Variants in DOCK10 observed in about 807,000 individuals in gnomAD.
The protein encoded by DOCK10 is dedicator of cytokinesis 10.
In DOCK10, 145 loss-of-function variants were observed where a neutral mutation model predicts 280.1. The observed-to-expected ratio is 0.52, with a 90% CI of 0.45 to 0.59. The LOEUF (loss-of-function observed/expected upper bound fraction) is 0.59. Ranked by LOEUF, DOCK10 falls within the 20% of genes least tolerant of loss-of-function variation. DOCK10 has a pLI of 0.00. For synonymous variants in DOCK10, 915 were observed against 942.2 expected (o/e 0.97, Z 0.53); for missense variants, 2,368 against 2,651.7 (o/e 0.89, Z 2.35).
intron 1 of DOCK10, among the ~76,000 whole-genome samples, chr2:224,943,970 A>C (rs1703248608): frequency 6.6e-6 from 1 of 152,018 alleles, no homozygotes; most frequent in African/African-American, 2.4e-5. Context: ...TCACCGTGTT[A>C]GTCAGGATGG....
At position 224,889,095 on chromosome 2, in the gene DOCK10, T is replaced by G. The variant is rs575849938; in HGVS notation, c.417-2564A>C. Among the ~76,000 whole-genome samples the G allele has an allele frequency of 1.8e-3, 274 of 152,340 alleles. 1 individual carries two copies. Among genetic ancestry groups the G allele is most frequent in the African/African-American group, 5.7e-3 (239 of 41,586 alleles). ...AAAACGGTATTTGTTTTAAGATTAT[T>G]TATATTGTGTAAAAGCAACCTCTGA... On this transcript the variant is annotated intron_variant, in intron 4 of 55. Coordinates refer to ENST00000258390, the MANE Select transcript of DOCK10 (RefSeq NM_014689.3).
chr2:224,792,370 G>A (rs774798343), intron 47 of DOCK10, among the ~76,000 whole-genome samples: 5 of 151,982 alleles, frequency 3.3e-5, no homozygotes, highest in Non-Finnish European at 5.9e-5. Context: ...TGCAACCTCC[G>A]CCTCCTGGGT....
intron 4 of DOCK10, among the ~76,000 whole-genome samples, chr2:224,889,205 A>G (rs1324238812): frequency 6.6e-6 from 1 of 152,238 alleles, no homozygotes; most frequent in Non-Finnish European, 1.5e-5. Flanking sequence ...TACTCCAGAT[A>G]GGAAGGTGAA....
In DOCK10 at chr2:224,862,720, G is replaced by T; in HGVS notation, c.1629C>A (p.Asn543Lys). Residue 543 changes from asparagine to lysine, a missense_variant, in exon 14 of 56, where the codon AAC becomes AAA. Asn to Lys is a moderately conservative substitution (Grantham distance 94). Around this residue, in one of 2 missense-constraint regions of DOCK10, gnomAD observed 1,209 missense variants for 1,250.9 expected, o/e 0.97. Transcript: ENST00000258390. ...TTCCCAATTTGCTGCAGAATTGTCT[G>T]TTGGATTTTAGTATCTTTTGTGCAT... ...NKYAQKILKS[N>K]RQFCSKLGKY... 6.2e-7 allele frequency: 1 copy of T among 1,609,014 alleles called. No individual in the cohort carries two copies. The highest frequency in any genetic ancestry group is 8.5e-7 in the Non-Finnish European group (1 of 1,177,392).
chr2:224,848,820 C>A (rs1207955911), intron 19 of DOCK10, among the ~76,000 whole-genome samples: 1 of 152,088 alleles, frequency 6.6e-6, no homozygotes, highest in African/African-American at 2.4e-5. Context: ...CTGTTCTCTT[C>A]CTTATGACAT....
chr2:224,808,304 C>T lies in DOCK10; in HGVS notation c.3410-218G>A, dbSNP rs1330098108. ...AAACACAAATACAGGTACAAACTAA[C>T]ACACAACATCAACTTTTGAATTCCA... is the stretch of plus-strand genomic sequence containing the variant. On this transcript the variant is annotated intron_variant, in intron 31 of 55. Transcript: ENST00000258390. Among the ~76,000 whole-genome samples the T allele has an allele frequency of 2.0e-5, 3 of 152,158 alleles. No individual in the cohort carries two copies. In the East Asian group the frequency reaches 5.8e-4, roughly 29 times the overall value.
At chr2:224,767,171 A>G (rs993390969) in intron 55 of DOCK10, among the ~76,000 whole-genome samples, 2 of 109,664 alleles carry the variant, frequency 1.8e-5, no homozygotes, top group Non-Finnish European at 3.6e-5. Context: ...GCAATCATGT[A>G]GTTTTTTTTT....
chr2:224,990,900 A>G (rs1706111335), intron 1 of DOCK10, among the ~76,000 whole-genome samples: 1 of 152,236 alleles, frequency 6.6e-6, no homozygotes. Context: ...AGAACCAGAA[A>G]AGGATGTCAC....
intron 55 of DOCK10, among the ~76,000 whole-genome samples, chr2:224,769,373 G>T (rs1690268366): frequency 6.6e-6 from 1 of 152,216 alleles, no homozygotes; most frequent in Admixed American, 6.5e-5. Context: ...ACAGTGCCAG[G>T]CCATTTAAGG....
chr2:224,996,853 A>T (rs554645498), intron 1 of DOCK10, among the ~76,000 whole-genome samples: 3 of 152,312 alleles, frequency 2.0e-5, no homozygotes, highest in African/African-American at 4.8e-5. Context: ...TGAGACAAAT[A>T]TCTAGCATGT....
intron 50 of DOCK10, among the ~76,000 whole-genome samples, chr2:224,782,244 A>G (rs1691401141): frequency 6.6e-6 from 1 of 151,672 alleles, no homozygotes; most frequent in Non-Finnish European, 1.5e-5. Context: ...CCTCCCCCAA[A>G]CTCCTTTTTT....
intron 2 of DOCK10, among the ~76,000 whole-genome samples, chr2:224,917,123 T>TTTTTTTTTTTTA: frequency 2.2e-5 from 3 of 138,550 alleles, no homozygotes; most frequent in East Asian, 2.1e-4. Context: ...TTTTTTTTTT[T>TTTTTTTTTTTTA]GAGACGGAGT....
chr2:224,772,145 T>A (rs1223481418), intron 53 of DOCK10, among the ~76,000 whole-genome samples: 2 of 152,176 alleles, frequency 1.3e-5, no homozygotes, highest in African/African-American at 4.8e-5. Context: ...GGTCTCGAAC[T>A]CTTGACTTCA....
intron 51 of DOCK10, 23 bp downstream of exon 51, chr2:224,778,115 C>CA (rs769790287): frequency 5.6e-6 from 9 of 1,608,010 alleles, no homozygotes; most frequent in Non-Finnish European, 7.7e-6. Context: ...TTAGCACTTG[C>CA]ATGAATACTG....
At chr2:224,999,934 G>A (rs1205948902) in intron 1 of DOCK10, among the ~76,000 whole-genome samples, 9 of 152,128 alleles carry the variant, frequency 5.9e-5, no homozygotes, top group African/African-American at 2.2e-4. Context: ...TATGTGTGGT[G>A]CAACAGGATC....
intron 28 of DOCK10, 56 bp downstream of exon 28, chr2:224,823,445 T>A (rs907035074): frequency 1.4e-6 from 2 of 1,455,506 alleles, no homozygotes; most frequent in African/African-American, 2.9e-5. Context: ...GTTTAGACTA[T>A]CTTGCATCCA....
chr2:224,898,831 T>C (rs1332677505), intron 3 of DOCK10, among the ~76,000 whole-genome samples: 1 of 152,194 alleles, frequency 6.6e-6, no homozygotes, highest in Non-Finnish European at 1.5e-5. Context: ...TGCCTTGGCC[T>C]CCAAAAGTGC....
At chr2:225,025,697 C>A (rs1208330301) in intron 1 of DOCK10, among the ~76,000 whole-genome samples, 1 of 151,276 alleles carries the variant, frequency 6.6e-6, no homozygotes, top group Non-Finnish European at 1.5e-5. Flanking sequence ...CTCTTGTTTC[C>A]AAGGCTAGGT....
At chr2:224,913,903 T>TG (rs1453780426) in intron 3 of DOCK10, among the ~76,000 whole-genome samples, 3 of 151,156 alleles carry the variant, frequency 2.0e-5, no homozygotes, top group Non-Finnish European at 4.4e-5. Context: ...AATTTTTTGG[T>TG]TTTTTTTTGT....
Sources: allele counts gnomAD v4.1 joint callset (sites outside exome capture counted in the v4.1 genomes callset), GRCh38; gene constraint gnomAD v4.1.1; regional missense constraint gnomAD v4.1.1; transcripts MANE v1.5; gene names NCBI Gene and HGNC (gene_info 2026-07-23, HGNC 2026-07-21).